Variants in ALS2CL observed in about 807,000 individuals in gnomAD.
ALS2CL encodes the protein ALS2 C-terminal-like protein.
A neutral mutation model predicts 127.9 loss-of-function variants in ALS2CL; 112 were observed. That is an observed-to-expected ratio of 0.88 (90% CI 0.75 to 1.02). The LOEUF is 1.02. ALS2CL is among the 50% of genes least tolerant of loss of function. The pLI is 0.00. For synonymous variants in ALS2CL, 519 were observed against 527.6 expected, an observed-to-expected ratio of 0.98 and a Z score of 0.22; for missense variants, 1,174 against 1,236.7, an observed-to-expected ratio of 0.95 and a Z score of 0.76.
chr3:46,692,521 T>G (rs760927458), intron 1 of ALS2CL, among the ~76,000 whole-genome samples: 6 of 152,212 alleles, frequency 3.9e-5, no homozygotes, highest in Non-Finnish European at 8.8e-5. Flanking sequence ...GACCCTTGTG[T>G]AGAACTTGTG....
chr3:46,683,344 A>T lies in ALS2CL; in HGVS notation c.913-18T>A. ...CAGACTGCCTGGTGGGAGGGGGAAC[A>T]TGGGGAAGGGGATCACTGCTGCTGG... On this transcript the variant is annotated intron_variant, in intron 9 of 25. Transcript: ENST00000318962. 1 of 1,567,812 alleles carries T rather than the reference A, an allele frequency of 6.4e-7. No homozygotes were observed. Among genetic ancestry groups the T allele is most frequent in the East Asian group, 2.4e-5 (1 of 42,232 alleles).
Position 46,681,607 on chromosome 3 carries a change from A to G in ALS2CL, c.1176-9T>C. On this transcript the variant is annotated splice_polypyrimidine_tract_variant and intron_variant, in intron 11 of 25. Transcript: ENST00000318962. The surrounding 1 kb of genome is among the most constrained non-coding windows in gnomAD (Gnocchi z 4.9). ...GCAGGCGGATGCCGAAGCTGACAGC[A>G]TGGTTGTGGGGGTGGGGATCAGCCC... The G allele has an allele frequency of 1.2e-6, 2 of 1,613,934 alleles. No individual in the cohort carries two copies. The highest frequency in any genetic ancestry group is 1.3e-5 in the African/African-American group (1 of 75,034).
intron 4 of ALS2CL, among the ~76,000 whole-genome samples, chr3:46,687,414 C>A (rs7426833): frequency 0.42 from 63,465 of 152,154 alleles, 14,996 homozygotes; most frequent in African/African-American, 0.65. Context: ...CCAGCTAGAG[C>A]GGGTCTGGAT....
intron 14 of ALS2CL, 112 bp downstream of exon 14, chr3:46,680,318 A>G: frequency 8.3e-7 from 1 of 1,199,742 alleles, no homozygotes; most frequent in Non-Finnish European, 1.2e-6. Flanking sequence ...TCCAGCACCC[A>G]GGAACACAGC....
rs768607833 is a variant in ALS2CL, at chr3:46,675,666, A to G, written c.2207T>C (p.Leu736Ser). 3.1e-6 allele frequency: 5 copies of G among 1,613,586 alleles called. No individual in the cohort carries two copies. The highest frequency in any genetic ancestry group is 3.4e-6 in the Non-Finnish European group (4 of 1,180,016). The change falls in exon 20 of 26, where the codon TTA (leucine) becomes TCA (serine). Residue 736 changes from leucine to serine, a missense_variant. Transcript: ENST00000318962. ...AAYRGLLRVA[L>S]ERKGQALEED... Reference sequence around the variant, plus strand: ...CTCCAGGGCCTGGCCCTTGCGCTCTAAGGCAACTCGCAGCAGACCCCTGTG... The same window carrying G: ...CTCCAGGGCCTGGCCCTTGCGCTCTGAGGCAACTCGCAGCAGACCCCTGTG...
rs545453842 is a variant in ALS2CL at position 46,679,429 on chromosome 3, G to A, written c.1549-142C>T. On this transcript the variant is annotated intron_variant, in intron 14 of 25. Transcript: ENST00000318962. ...CCCTGAGCCTCATCACGCCCCACAG[G>A]ACTGTACCTAATTGGGACTCTAGCC... 145 of 686,140 alleles carry A rather than the reference G, an allele frequency of 2.1e-4. No individual in the cohort carries two copies. In the African/African-American group the frequency reaches 2.3e-3, roughly 11 times the overall value. 42.5% of individuals were successfully genotyped at this position (686,140 alleles called of 1,614,324 possible). A position where few individuals can be genotyped will look rare whatever the true frequency, so the allele number is the denominator to read the frequency against.
Position 46,690,702 on chromosome 3 carries a change from G to A in ALS2CL, c.-25-1237C>T, listed in dbSNP as rs148216369. On this transcript the variant is annotated intron_variant, in intron 1 of 25. Transcript: ENST00000318962. ...CTGTCTCTCTCCTTGTCTCTGACAC[G>A]CTGAGGCTTTGGAGTTAGCCAACCT... Among the ~76,000 whole-genome samples the A allele has an allele frequency of 2.3e-3, 349 of 152,346 alleles. 2 individuals are homozygous for A. The highest frequency in any genetic ancestry group is 0.015 in the East Asian group (77 of 5,182).
At chr3:46,675,922 G>T in intron 19 of ALS2CL, 1 of 1,429,018 alleles carries the variant, frequency 7.0e-7, no homozygotes, top group Middle Eastern at 2.6e-4. Flanking sequence ...GTTTCATGGG[G>T]TCACAGCCCA....
chr3:46,677,472 C>G, intron 16 of ALS2CL: 1 of 875,360 alleles, frequency 1.1e-6, no homozygotes, highest in Non-Finnish European at 1.4e-6. Flanking sequence ...TGGAGCCCTG[C>G]ACTCCAGTGT....
At position 46,687,666 on chromosome 3, in the gene ALS2CL, T is replaced by C. The variant is rs1355452438; in HGVS notation, c.321A>G (p.Thr107=). ...QAHIEYIESY[T]SCMVVQAFQK... ...GGAAGGCCTGCACCACCATGCAGCT[T>C]GTGTAGGACTCAATGTACCTGCAGG... is the stretch of plus-strand genomic sequence containing the variant. The change falls in exon 4 of 26, where the codon ACA becomes ACG. Residue 107 remains threonine, a synonymous_variant. Coordinates refer to ENST00000318962, the MANE Select transcript of ALS2CL (RefSeq NM_147129.5). The C allele has an allele frequency of 6.2e-7, 1 of 1,612,950 alleles. No individual in the cohort carries two copies. Among genetic ancestry groups the C allele is most frequent in the African/African-American group, 1.3e-5 (1 of 74,892 alleles).
chr3:46,675,612 A>C lies in ALS2CL; in HGVS notation c.2255+6T>G, dbSNP rs756560775. 6.8e-6 allele frequency: 11 copies of C among 1,613,344 alleles called. No individual in the cohort carries two copies. Among genetic ancestry groups the C allele is most frequent in the South Asian group, 1.1e-5 (1 of 91,076 alleles). ...GGCAGGCCCCAAGGAGACCTGCGCCAGTCACCTTGTCTCTGTGTCTTCATC... is the reference window on the plus strand; with the variant it reads ...GGCAGGCCCCAAGGAGACCTGCGCCCGTCACCTTGTCTCTGTGTCTTCATC... On this transcript the variant is annotated splice_donor_region_variant and intron_variant, in intron 20 of 25. Coordinates refer to ENST00000318962, the MANE Select transcript of ALS2CL (RefSeq NM_147129.5).
In ALS2CL at chr3:46,686,268, G is replaced by T; in HGVS notation, c.666+40C>A. On this transcript the variant is annotated intron_variant, in intron 6 of 25. Transcript: ENST00000318962. This position sits in a 1 kb window ranked among gnomAD's most constrained non-coding sequence, Gnocchi z 4.3. ...CCCCCAACATCTCCATGCCCAATGT[G>T]GAACCCCCTCCCTAACTGCCCCTCA... 1 of 1,570,664 alleles carries T rather than the reference G, an allele frequency of 6.4e-7. No homozygotes were observed.
chr3:46,689,325 A>G lies in ALS2CL; in HGVS notation c.103+13T>C. 1.2e-6 allele frequency: 2 copies of G among 1,612,154 alleles called. No homozygotes were observed. The highest frequency in any genetic ancestry group is 2.2e-5 in the South Asian group (2 of 90,664). On this transcript the variant is annotated intron_variant, in intron 2 of 25. Coordinates refer to ENST00000318962, the MANE Select transcript of ALS2CL (RefSeq NM_147129.5). ...CGGTGCCCTTCCCTCCCCACTAGAA[A>G]GCCTAGACTCACCGGCTGGGAGCAG...
chr3:46,672,972 C>T (rs940523015), intron 22 of ALS2CL, among the ~76,000 whole-genome samples: 1 of 152,140 alleles, frequency 6.6e-6, no homozygotes, highest in African/African-American at 2.4e-5. Flanking sequence ...CACCACTGCA[C>T]TCTAACCCGG....
chr3:46,671,126 G>A (rs1444512753), intron 25 of ALS2CL, 62 bp from the exon 26 acceptor site: 1 of 1,521,762 alleles, frequency 6.6e-7, no homozygotes, highest in African/African-American at 1.4e-5. Flanking sequence ...ACATGCACAG[G>A]ATCTAGGGCT....
chr3:46,674,975 G>C (rs1169638765), intron 20 of ALS2CL: 3 of 443,798 alleles, frequency 6.8e-6, no homozygotes, highest in Non-Finnish European at 1.2e-5. Context: ...GGCAGGAGTT[G>C]GATCCCCATT....
At chr3:46,673,515 G>A (rs1698574894) in intron 21 of ALS2CL, 134 bp from the exon 22 acceptor site, 1 of 898,188 alleles carries the variant, frequency 1.1e-6, no homozygotes, top group Non-Finnish European at 1.7e-6. Context: ...ATCAGCCTAG[G>A]TCATGGGGAG....
At position 46,685,566 on chromosome 3, in the gene ALS2CL, C is replaced by G; in HGVS notation, c.745G>C (p.Glu249Gln). The G allele has an allele frequency of 6.2e-7, 1 of 1,614,048 alleles. No individual in the cohort carries two copies. The highest frequency in any genetic ancestry group is 8.5e-7 in the Non-Finnish European group (1 of 1,179,974). Residue 249 changes from glutamate to glutamine, a missense_variant, in exon 7 of 26, where the codon GAG becomes CAG. Physicochemically the swap from Glu to Gln is conservative, Grantham distance 29. Transcript: ENST00000318962. ...GCATCATCAAAGAGCAGCACACGCT[C>G]AGCCCGCAACGGTGCGACCGTCACG... ...VPVTVAPLRAERVLLFDDALV... is the reference protein window; with the variant it reads ...VPVTVAPLRAQRVLLFDDALV...
rs1699243907 is a variant in ALS2CL at position 46,680,641 on chromosome 3, G to T, written c.1437-100C>A. 7.1e-6 allele frequency: 7 copies of T among 992,236 alleles called. No homozygotes were observed. The South Asian group carries it at 8.7e-5, about 12-fold the overall frequency. 61.5% of individuals were successfully genotyped at this position (992,236 alleles called of 1,614,324 possible). On this transcript the variant is annotated intron_variant, in intron 13 of 25. Transcript: ENST00000318962. ...GGGCGGCAGGGAGTGCAGATAAGGG[G>T]CAGTGACATCACCTGAATCCACTCA...
Sources: allele counts gnomAD v4.1 joint callset (sites outside exome capture counted in the v4.1 genomes callset), GRCh38; gene constraint gnomAD v4.1.1; non-coding constraint Gnocchi (gnomAD v3.1); transcripts MANE v1.5; gene names NCBI Gene and HGNC (gene_info 2026-07-23, HGNC 2026-07-21).